Variants in PPP2R2B observed in about 807,000 individuals in gnomAD.
The protein encoded by PPP2R2B is serine/threonine-protein phosphatase 2A 55 kDa regulatory subunit B beta isoform.
Under a neutral mutation model 46.0 loss-of-function variants are expected in PPP2R2B, and 5 were observed. That is an observed-to-expected ratio of 0.11 (90% CI 0.06 to 0.23). The LOEUF (loss-of-function observed/expected upper bound fraction) is 0.23. PPP2R2B is among the 10% of genes least tolerant of loss of function. PPP2R2B has a pLI of 1.00. For synonymous variants in PPP2R2B, 215 were observed against 206.7 expected (o/e 1.04, Z -0.34); for missense variants, 367 against 575.0 (o/e 0.64, Z 3.70).
At chr5:146,847,855 G>A (rs561748796) in intron 2 of PPP2R2B, among the ~76,000 whole-genome samples, 126 of 152,272 alleles carry the variant, frequency 8.3e-4, no homozygotes, top group African/African-American at 2.8e-3. Flanking sequence ...GATGGATTTA[G>A]TAAATCACCC....
intron 2 of PPP2R2B, among the ~76,000 whole-genome samples, chr5:146,859,857 T>C (rs1048733494): frequency 6.6e-6 from 1 of 152,100 alleles, no homozygotes; most frequent in African/African-American, 2.4e-5. Context: ...GGCCTATGTA[T>C]AGATTAGAAC....
chr5:146,837,661 A>T (rs1288318581), intron 2 of PPP2R2B, among the ~76,000 whole-genome samples: 2 of 152,248 alleles, frequency 1.3e-5, no homozygotes, highest in Non-Finnish European at 2.9e-5. Context: ...TCCACATGTA[A>T]TCAATATCAA....
At chr5:146,732,009 C>T (rs747409856) in intron 2 of PPP2R2B, among the ~76,000 whole-genome samples, 26 of 152,198 alleles carry the variant, frequency 1.7e-4, no homozygotes, top group Non-Finnish European at 3.1e-4. Context: ...AACTTTTTCC[C>T]GTTTACGGTT....
At chr5:147,063,035 A>G in intron 2 of PPP2R2B, among the ~76,000 whole-genome samples, 1 of 145,860 alleles carries the variant, frequency 6.9e-6, no homozygotes, top group African/African-American at 2.5e-5. Context: ...GGAAGGAGAA[A>G]AGGAAGGAAG....
chr5:146,960,800 C>T (rs967929629), intron 1 of PPP2R2B, among the ~76,000 whole-genome samples: 3 of 152,154 alleles, frequency 2.0e-5, no homozygotes, highest in African/African-American at 7.2e-5. Flanking sequence ...AATAAAAAGA[C>T]AGGCATGATT....
intron 2 of PPP2R2B, among the ~76,000 whole-genome samples, chr5:146,867,025 T>C (rs1761351932): frequency 3.3e-5 from 5 of 152,332 alleles, no homozygotes; most frequent in Middle Eastern, 3.4e-3. Flanking sequence ...CCAAATCTCC[T>C]GATGCAAGTT....
At chr5:146,634,127 C>A (rs1318495932) in intron 7 of PPP2R2B, among the ~76,000 whole-genome samples, 1 of 152,108 alleles carries the variant, frequency 6.6e-6, no homozygotes, top group Non-Finnish European at 1.5e-5. Flanking sequence ...CATTAATAGA[C>A]TGAGTAAAAG....
chr5:147,044,976 T>C (rs557244688), intron 1 of PPP2R2B, among the ~76,000 whole-genome samples: 1 of 152,330 alleles, frequency 6.6e-6, no homozygotes, highest in South Asian at 2.1e-4. Flanking sequence ...TGTTTACTGC[T>C]ATTCCAAACA....
chr5:146,813,386 G>A (rs1757746211), intron 2 of PPP2R2B, among the ~76,000 whole-genome samples: 1 of 152,072 alleles, frequency 6.6e-6, no homozygotes, highest in Non-Finnish European at 1.5e-5. Flanking sequence ...CTCAGGAGCA[G>A]CTTCTTCAAG....
At chr5:146,634,904 A>G (rs906104476) in intron 7 of PPP2R2B, among the ~76,000 whole-genome samples, 5 of 152,270 alleles carry the variant, frequency 3.3e-5, no homozygotes, top group Admixed American at 1.3e-4. Context: ...TACCTGACAT[A>G]AAGTATGTGA....
intron 1 of PPP2R2B, among the ~76,000 whole-genome samples, chr5:146,908,493 T>C (rs1156537856): frequency 6.6e-6 from 1 of 151,984 alleles, no homozygotes; most frequent in Non-Finnish European, 1.5e-5. Context: ...TACAGCTGTT[T>C]GGGCCTAGCT....
intron 1 of PPP2R2B, among the ~76,000 whole-genome samples, chr5:147,000,588 A>G (rs910126900): frequency 1.3e-5 from 2 of 151,812 alleles, no homozygotes; most frequent in African/African-American, 4.8e-5. Context: ...AGTTCACAAT[A>G]GAGTTCATGC....
intron 2 of PPP2R2B, among the ~76,000 whole-genome samples, chr5:146,749,593 TTTC>T (rs1753413237): frequency 6.6e-6 from 1 of 150,994 alleles, no homozygotes; most frequent in Non-Finnish European, 1.5e-5. Context: ...ATTTCCTTTT[TTTC>T]TTTTCTTTTC....
intron 2 of PPP2R2B, among the ~76,000 whole-genome samples, chr5:146,767,717 G>A (rs567759306): frequency 2.0e-5 from 3 of 152,024 alleles, no homozygotes; most frequent in Non-Finnish European, 2.9e-5. Flanking sequence ...TGTTGCAATC[G>A]ATGAACCTCT....
intron 2 of PPP2R2B, among the ~76,000 whole-genome samples, chr5:146,810,620 A>G (rs1757473497): frequency 6.6e-6 from 1 of 152,108 alleles, no homozygotes; most frequent in Admixed American, 6.5e-5. Context: ...CTATGAGCAA[A>G]GTTCATGTAT....
chr5:146,999,241 T>C (rs1457981230), intron 1 of PPP2R2B, among the ~76,000 whole-genome samples: 1 of 152,096 alleles, frequency 6.6e-6, no homozygotes, highest in East Asian at 1.9e-4. Flanking sequence ...AATAAAGATA[T>C]TGATTAAATG....
At chr5:147,078,825 A>G (rs1757880103) in intron 2 of PPP2R2B, among the ~76,000 whole-genome samples, 2 of 151,558 alleles carry the variant, frequency 1.3e-5, no homozygotes, top group African/African-American at 4.8e-5. Flanking sequence ...AAAAAAAAAA[A>G]AATTGTATCA....
chr5:147,008,498 C>T (rs13185031), intron 1 of PPP2R2B, among the ~76,000 whole-genome samples: 72,559 of 151,970 alleles, frequency 0.48, 18,802 homozygotes, highest in Middle Eastern at 0.59. Flanking sequence ...TGTCCTAACT[C>T]AATAGGACTT....
At chr5:146,707,093 C>T in intron 2 of PPP2R2B, 1 of 1,536,850 alleles carries the variant, frequency 6.5e-7, no homozygotes, top group South Asian at 1.1e-5. Context: ...TTCTTGAAGT[C>T]CTCCACCAGC....
Sources: allele counts gnomAD v4.1 joint callset (sites outside exome capture counted in the v4.1 genomes callset), GRCh38; gene constraint gnomAD v4.1.1; transcripts MANE v1.5; gene names NCBI Gene and HGNC (gene_info 2026-07-23, HGNC 2026-07-21).